The following PRDM1 variants were observed in gnomAD, a reference collection of about 807,000 sequenced individuals.
PRDM1 encodes the protein PR domain zinc finger protein 1.
PRDM1 carries 13 observed loss-of-function variants against 62.8 expected under a neutral mutation model. The observed-to-expected ratio is 0.21, with a 90% CI of 0.13 to 0.33. PRDM1 has a LOEUF of 0.33. Among genes scored for constraint, PRDM1 ranks in the 10% least tolerant of loss-of-function variants. PRDM1 has a pLI of 1.00. For missense variants in PRDM1, 895 were observed against 1,058.8 expected (o/e 0.85, Z 2.15); for synonymous variants, 396 against 417.6 (o/e 0.95, Z 0.63).
At chr6:106,089,824 GT>G (rs560271027) in intron 2 of PRDM1, among the ~76,000 whole-genome samples, 25 of 152,086 alleles carry the variant, frequency 1.6e-4, no homozygotes, top group Non-Finnish European at 3.1e-4. Flanking sequence ...AGTGTAGTGT[GT>G]TTTTTCCCCA....
intron 1 of PRDM1, among the ~76,000 whole-genome samples, chr6:106,008,328 G>C (rs887990696): frequency 3.3e-5 from 5 of 152,104 alleles, no homozygotes; most frequent in African/African-American, 9.7e-5. Context: ...AGCCAAGATC[G>C]TGCCACTGTA....
At chr6:106,077,413 T>C (rs1773621139) in intron 1 of PRDM1, among the ~76,000 whole-genome samples, 2 of 152,156 alleles carry the variant, frequency 1.3e-5, no homozygotes, top group African/African-American at 2.4e-5. Flanking sequence ...AAAAGTGGTA[T>C]ACATGAGGAA....
At chr6:106,077,178 A>G (rs940097347) in intron 1 of PRDM1, among the ~76,000 whole-genome samples, 3 of 152,210 alleles carry the variant, frequency 2.0e-5, no homozygotes, top group Non-Finnish European at 4.4e-5. Context: ...AGAAAAACAG[A>G]AAGTACATTC....
At chr6:106,097,256 T>G (rs1774137664) in intron 3 of PRDM1, among the ~76,000 whole-genome samples, 1 of 152,224 alleles carries the variant, frequency 6.6e-6, no homozygotes, top group African/African-American at 2.4e-5. Context: ...GAGTTAAAGG[T>G]CTGAATTAAG....
chr6:106,021,863 AC>A (rs759367802), intron 1 of PRDM1, among the ~76,000 whole-genome samples: 1 of 152,026 alleles, frequency 6.6e-6, no homozygotes, highest in Non-Finnish European at 1.5e-5. Flanking sequence ...CAGGTGATCC[AC>A]CCACCTCGGC....
chr6:105,998,916 TA>T (rs1772389071), intron 1 of PRDM1, among the ~76,000 whole-genome samples: 2 of 2,890 alleles, frequency 6.9e-4, no homozygotes, highest in South Asian at 0.016. Context: ...TATATATATA[TA>T]TATATATATA....
intron 1 of PRDM1, among the ~76,000 whole-genome samples, chr6:106,053,011 A>T (rs1750827580): frequency 6.6e-6 from 1 of 152,038 alleles, no homozygotes. Flanking sequence ...ATTAAAACCT[A>T]AAAAAACCCT....
At chr6:106,019,636 T>C (rs1772668918) in intron 1 of PRDM1, among the ~76,000 whole-genome samples, 1 of 149,888 alleles carries the variant, frequency 6.7e-6, no homozygotes, top group Admixed American at 6.6e-5. Context: ...TTTTTTCTTT[T>C]CTTTTTTTTT....
chr6:106,047,687 G>A (rs55781323), upstream of PRDM1, among the ~76,000 whole-genome samples: 6,289 of 152,204 alleles, frequency 0.041, 157 homozygotes, highest in Non-Finnish European at 0.059. Flanking sequence ...GAATTACAAG[G>A]GCTTTCACTA....
In PRDM1 at chr6:106,097,676, G is replaced by C. The variant is rs145098142; in HGVS notation, c.412-1624G>C. On this transcript the variant is annotated intron_variant, in intron 3 of 6. Coordinates refer to ENST00000369096, the MANE Select transcript of PRDM1 (RefSeq NM_001198.4). ...ATATGCGTTATTTTATTCTGTGTGA[G>C]TGACTTCATGGCACCGACATTGCTG... Among the ~76,000 whole-genome samples, 183 of 152,324 alleles carry C rather than the reference G, an allele frequency of 1.2e-3. No homozygotes were observed. The Middle Eastern group carries it at 0.027, about 23-fold the overall frequency.
At chr6:106,098,513 T>C in intron 3 of PRDM1, 1 of 1,233,256 alleles carries the variant, frequency 8.1e-7, no homozygotes, top group Non-Finnish European at 1.0e-6. Context: ...CCTATGGCTC[T>C]GTGTGTGGTG....
intron 2 of PRDM1, among the ~76,000 whole-genome samples, chr6:106,091,943 A>T (rs1773973539): frequency 6.6e-6 from 1 of 152,148 alleles, no homozygotes; most frequent in Non-Finnish European, 1.5e-5. Flanking sequence ...GTCAAAACAG[A>T]ATTATAATCT....
chr6:106,026,188 G>A (rs9784839), intron 1 of PRDM1, among the ~76,000 whole-genome samples: 2,569 of 152,124 alleles, frequency 0.017, 66 homozygotes, highest in African/African-American at 0.058. Flanking sequence ...GATTTAAAGA[G>A]CAGAAAATGG....
At chr6:106,062,921 A>AC in intron 1 of PRDM1, among the ~76,000 whole-genome samples, 1 of 151,932 alleles carries the variant, frequency 6.6e-6, no homozygotes, top group East Asian at 1.9e-4. Flanking sequence ...TTCACCTCCC[A>AC]CCCCCCAAAA....
intron 1 of PRDM1, among the ~76,000 whole-genome samples, chr6:106,024,604 T>C (rs2114561975): frequency 6.6e-6 from 1 of 152,340 alleles, no homozygotes; most frequent in East Asian, 1.9e-4. Context: ...TCATTCTTAA[T>C]CATCTGTACA....
chr6:106,088,646 G>A (rs2114618815), intron 2 of PRDM1, among the ~76,000 whole-genome samples, 197 bp downstream of exon 2: 1 of 152,182 alleles, frequency 6.6e-6, no homozygotes, highest in Non-Finnish European at 1.5e-5. Context: ...GCCTTCAACT[G>A]TTCCTCACTA....
chr6:106,029,752 G>A (rs925379588), intron 1 of PRDM1, among the ~76,000 whole-genome samples: 3 of 151,980 alleles, frequency 2.0e-5, no homozygotes, highest in East Asian at 1.9e-4. Context: ...CACTACAAGC[G>A]TGCACCACCA....
intron 1 of PRDM1, among the ~76,000 whole-genome samples, chr6:106,030,575 G>T (rs1772827087): frequency 6.6e-6 from 1 of 151,894 alleles, no homozygotes; most frequent in African/African-American, 2.4e-5. Context: ...ACGGGGGTGG[G>T]GGGCAGGTAA....
At chr6:106,057,072 C>G (rs1430793294) in intron 1 of PRDM1, among the ~76,000 whole-genome samples, 1 of 152,178 alleles carries the variant, frequency 6.6e-6, no homozygotes, top group Non-Finnish European at 1.5e-5. Flanking sequence ...ATCCTTAGAA[C>G]TAGACAAGGA....
Sources: gnomAD v4.1 joint callset for allele counts (sites outside exome capture counted in the v4.1 genomes callset) on GRCh38, gnomAD v4.1.1 for gene constraint, MANE v1.5 for transcripts, NCBI Gene and HGNC (gene_info 2026-07-23, HGNC 2026-07-21) for gene names.